LINC00305: variants seen among roughly 807,000 people sequenced by gnomAD.
LINC00305 encodes the protein long intergenic non-protein coding RNA 305.
intron 1 of LINC00305, among the ~76,000 whole-genome samples, chr18:64,101,082 G>T (rs1267533400): frequency 6.6e-6 from 1 of 152,166 alleles, no homozygotes; most frequent in Admixed American, 6.5e-5. Flanking sequence ...CTCTACCATT[G>T]CTAAGTGCTG....
At chr18:64,124,321 T>C (rs1396842044) in intron 1 of LINC00305, among the ~76,000 whole-genome samples, 1 of 152,070 alleles carries the variant, frequency 6.6e-6, no homozygotes, top group Non-Finnish European at 1.5e-5. Flanking sequence ...CTGGTTTTCC[T>C]CATGTCCTTA....
At chr18:64,132,769 G>A (rs1283635973) in intron 1 of LINC00305, among the ~76,000 whole-genome samples, 1 of 152,182 alleles carries the variant, frequency 6.6e-6, no homozygotes, top group Admixed American at 6.6e-5. Context: ...CAGAGGACAA[G>A]GGGTGTTTGC....
intron 1 of LINC00305, among the ~76,000 whole-genome samples, chr18:64,133,328 T>C (rs1031538857): frequency 2.0e-5 from 3 of 152,124 alleles, no homozygotes; most frequent in Non-Finnish European, 4.4e-5. Flanking sequence ...AGACCAGAGG[T>C]GGATGGAGAA....
chr18:64,092,757 G>A (rs1247386593), intron 3 of LINC00305, among the ~76,000 whole-genome samples: 2 of 152,168 alleles, frequency 1.3e-5, no homozygotes, highest in Non-Finnish European at 2.9e-5. Context: ...CAGTGATTAT[G>A]CCGAGAGCAA....
intron 1 of LINC00305, among the ~76,000 whole-genome samples, chr18:64,122,532 C>T (rs181124090): frequency 2.0e-5 from 3 of 152,082 alleles, no homozygotes; most frequent in Admixed American, 1.3e-4. Context: ...TTATTTTGTT[C>T]CACCAATCTA....
intron 1 of LINC00305, among the ~76,000 whole-genome samples, chr18:64,138,943 G>A (rs542314898): frequency 4.6e-5 from 7 of 152,262 alleles, no homozygotes; most frequent in East Asian, 1.9e-4. Flanking sequence ...GGGCACAGCC[G>A]ATAACCAGTG....
intron 1 of LINC00305, among the ~76,000 whole-genome samples, chr18:64,122,593 T>C (rs777410264): frequency 6.6e-6 from 1 of 152,148 alleles, no homozygotes; most frequent in Non-Finnish European, 1.5e-5. Flanking sequence ...TATTGACTTG[T>C]AGTAAAATAT....
intron 3 of LINC00305, among the ~76,000 whole-genome samples, chr18:64,090,632 C>G (rs2144895178): frequency 6.6e-6 from 1 of 152,314 alleles, no homozygotes; most frequent in Admixed American, 6.5e-5. Context: ...CTCAAGTATT[C>G]AGAAAGTGAT....
At chr18:64,091,293 C>T (rs899374835) in intron 3 of LINC00305, among the ~76,000 whole-genome samples, 2 of 152,168 alleles carry the variant, frequency 1.3e-5, no homozygotes, top group African/African-American at 4.8e-5. Context: ...CTCTAAACTC[C>T]CAAACATCAT....
chr18:64,099,000 G>A (rs959882150), intron 1 of LINC00305, among the ~76,000 whole-genome samples: 1 of 152,102 alleles, frequency 6.6e-6, no homozygotes, highest in South Asian at 2.1e-4. Context: ...AGGAAAGTGG[G>A]GTGTTTGAGC....
chr18:64,084,857 G>T (rs1398052736), intron 3 of LINC00305, among the ~76,000 whole-genome samples: 1 of 152,196 alleles, frequency 6.6e-6, no homozygotes, highest in Non-Finnish European at 1.5e-5. Flanking sequence ...TTGTAGATGT[G>T]CCAGAGAATA....
intron 1 of LINC00305, among the ~76,000 whole-genome samples, chr18:64,106,019 A>T (rs1175560527): frequency 6.6e-6 from 1 of 152,254 alleles, no homozygotes; most frequent in Non-Finnish European, 1.5e-5. Flanking sequence ...GTTTCCAATG[A>T]CATTCTGGCT....
At chr18:64,101,530 A>G (rs1160575671) in intron 1 of LINC00305, among the ~76,000 whole-genome samples, 1 of 152,048 alleles carries the variant, frequency 6.6e-6, no homozygotes, top group Non-Finnish European at 1.5e-5. Context: ...CTGTCTTCAC[A>G]TTGTCTTCCC....
intron 2 of LINC00305, chr18:64,098,439 T>C (rs926719222): frequency 3.8e-5 from 14 of 371,698 alleles, no homozygotes; most frequent in Non-Finnish European, 6.8e-5. Context: ...GAAACAGAAG[T>C]AGAAAATTTG....
chr18:64,093,023 G>A (rs2051230978), intron 3 of LINC00305, among the ~76,000 whole-genome samples: 1 of 152,170 alleles, frequency 6.6e-6, no homozygotes, highest in African/African-American at 2.4e-5. Context: ...AATGGCTGTG[G>A]AGGACAGCCC....
Position 64,145,443 on chromosome 18 carries a change from C to T in LINC00305, n.314+3332G>A, listed in dbSNP as rs181813188. 4.1e-3 allele frequency among the ~76,000 whole-genome samples: 620 copies of T among 152,248 alleles called. 3 individuals are homozygous for T. Among genetic ancestry groups the T allele is most frequent in the African/African-American group, 0.014 (575 of 41,542 alleles). On this transcript the variant is annotated intron_variant and non_coding_transcript_variant, in intron 1 of 3. Coordinates refer to ENST00000666468, the Ensembl canonical transcript of LINC00305. ...TTGTTGGCACCATGGGACCAGAAGGCGGTGACCCCCCTGGACCCAGCTTTC... is the reference window on the plus strand; with the variant it reads ...TTGTTGGCACCATGGGACCAGAAGGTGGTGACCCCCCTGGACCCAGCTTTC...
rs145946198 is a variant in LINC00305, at chr18:64,126,260, G to A, written n.314+22515C>T. ...AATTATACTAAAACCTTCTTCATAA[G>A]GATCATTTCTAGATGATAGCATTAT... On this transcript the variant is annotated intron_variant and non_coding_transcript_variant, in intron 1 of 3. Coordinates refer to ENST00000666468, the Ensembl canonical transcript of LINC00305. Among the ~76,000 whole-genome samples the A allele has an allele frequency of 7.7e-3, 1,168 of 151,670 alleles. 7 individuals are homozygous for A. Among genetic ancestry groups the A allele is most frequent in the Non-Finnish European group, 0.013 (894 of 67,888 alleles).
chr18:64,110,809 T>A (rs1490228781), intron 1 of LINC00305, among the ~76,000 whole-genome samples: 1 of 152,226 alleles, frequency 6.6e-6, no homozygotes, highest in East Asian at 1.9e-4. Context: ...GCTGGTTCAT[T>A]CATGCTACAC....
chr18:64,127,877 A>C (rs1373010832), intron 1 of LINC00305, among the ~76,000 whole-genome samples: 1 of 152,020 alleles, frequency 6.6e-6, no homozygotes, highest in South Asian at 2.1e-4. Context: ...TTTTATTCTC[A>C]TGTAGAGGGC....
Sources: allele counts gnomAD v4.1 joint callset (sites outside exome capture counted in the v4.1 genomes callset), GRCh38; gene constraint gnomAD v4.1.1; transcripts MANE v1.5; gene names NCBI Gene and HGNC (gene_info 2026-07-23, HGNC 2026-07-21).